KLF12: variants seen among roughly 807,000 people sequenced by gnomAD.
The protein encoded by KLF12 is KLF transcription factor 12.
A neutral mutation model predicts 37.8 loss-of-function variants in KLF12; 9 were observed. The ratio of observed to expected loss-of-function variants is 0.24; its 90% CI spans 0.14 to 0.42. KLF12 has a LOEUF of 0.42. Among genes scored for constraint, KLF12 ranks in the 10% least tolerant of loss-of-function variants. The pLI is 1.00. For missense variants in KLF12, 411 were observed against 516.0 expected (o/e 0.80, Z 1.97); for synonymous variants, 208 against 202.1 (o/e 1.03, Z -0.25).
In KLF12 at chr13:73,752,726, A is replaced by ATTTTT. The variant is rs139830073; in HGVS notation, c.869+12211_869+12212insAAAAA. 3.7e-5 allele frequency among the ~76,000 whole-genome samples: 4 copies of ATTTTT among 108,134 alleles called. 2 individuals are homozygous for ATTTTT. The highest frequency in any genetic ancestry group is 1.6e-4 in the Admixed American group (2 of 12,206). The allele number at this position is 108,134 out of a possible 152,430, so 70.9% of individuals were successfully genotyped here. On this transcript the variant is annotated intron_variant, in intron 6 of 7. Transcript: ENST00000377669. ...CTCATTCCCCTGCTCCCTTCCACAT[A>ATTTTT]TATATTTTTTTTTTTTTGACACAGA...
At chr13:73,843,811 G>T (rs982002441) in intron 4 of KLF12, among the ~76,000 whole-genome samples, 9 of 152,022 alleles carry the variant, frequency 5.9e-5, no homozygotes, top group African/African-American at 2.2e-4. Flanking sequence ...AATCTGCAGG[G>T]TTTATACTTA....
chr13:74,300,895 C>T, the KLF12 span, among the ~76,000 whole-genome samples: 4 of 152,146 alleles, frequency 2.6e-5, no homozygotes, highest in Admixed American at 6.6e-5. Context: ...AGGACTCTCA[C>T]AGTACTTATT....
chr13:73,890,060 A>T (rs1456068638), intron 3 of KLF12, among the ~76,000 whole-genome samples: 1 of 152,156 alleles, frequency 6.6e-6, no homozygotes, highest in Non-Finnish European at 1.5e-5. Context: ...ATGTGAAAAT[A>T]GAGAACACAC....
the KLF12 span, among the ~76,000 whole-genome samples, chr13:74,269,734 A>G: frequency 6.6e-6 from 1 of 152,146 alleles, no homozygotes; most frequent in African/African-American, 2.4e-5. Context: ...TTCAAGCAAG[A>G]TCCTTACTTT....
intron 1 of KLF12, among the ~76,000 whole-genome samples, chr13:74,100,852 C>T (rs1005236789): frequency 9.9e-5 from 15 of 152,022 alleles, no homozygotes; most frequent in Admixed American, 2.6e-4. Flanking sequence ...AATCAAAGTC[C>T]GACCTTCCCT....
chr13:74,106,909 A>G (rs1407475985), intron 1 of KLF12, among the ~76,000 whole-genome samples: 1 of 152,190 alleles, frequency 6.6e-6, no homozygotes, highest in Non-Finnish European at 1.5e-5. Flanking sequence ...AAAGGAAAAA[A>G]AAAAAATTAA....
At chr13:74,251,200 G>A in the KLF12 span, among the ~76,000 whole-genome samples, 1 of 151,974 alleles carries the variant, frequency 6.6e-6, no homozygotes, top group Non-Finnish European at 1.5e-5. Flanking sequence ...CACCCAGGCT[G>A]GAGTGCAGTG....
the KLF12 span, among the ~76,000 whole-genome samples, chr13:74,194,112 A>T: frequency 6.6e-6 from 1 of 152,178 alleles, no homozygotes; most frequent in Non-Finnish European, 1.5e-5. Flanking sequence ...AAGGGAGAAC[A>T]AGGAAAGAAA....
intron 1 of KLF12, among the ~76,000 whole-genome samples, chr13:73,995,373 T>A (rs1211391209): frequency 6.6e-6 from 1 of 151,702 alleles, no homozygotes; most frequent in Non-Finnish European, 1.5e-5. Flanking sequence ...GAGAGACAGC[T>A]GAGGAGAAAA....
At chr13:73,770,943 T>C (rs1594071577) in intron 5 of KLF12, among the ~76,000 whole-genome samples, 1 of 152,332 alleles carries the variant, frequency 6.6e-6, no homozygotes, top group African/African-American at 2.4e-5. Context: ...TAATTTCTGA[T>C]ATACACCAAC....
At chr13:73,929,745 GC>G (rs1317505112) in intron 3 of KLF12, among the ~76,000 whole-genome samples, 1 of 152,128 alleles carries the variant, frequency 6.6e-6, no homozygotes, top group Non-Finnish European at 1.5e-5. Flanking sequence ...CTGCCACAAC[GC>G]CGTTAAGTCC....
chr13:73,969,949 T>C (rs1189175364), intron 2 of KLF12, among the ~76,000 whole-genome samples: 1 of 152,234 alleles, frequency 6.6e-6, no homozygotes, highest in East Asian at 1.9e-4. Context: ...GACCTCCTTA[T>C]AATTTTAGAC....
chr13:74,169,246 T>C, the KLF12 span, among the ~76,000 whole-genome samples: 1 of 152,244 alleles, frequency 6.6e-6, no homozygotes, highest in African/African-American at 2.4e-5. Context: ...ATGTTATTTG[T>C]GGCTGCAAGA....
In KLF12 at chr13:74,128,689, C is replaced by T. The variant is rs538236322; in HGVS notation, c.-32+5050G>A. On this transcript the variant is annotated intron_variant, in intron 1 of 7. Transcript: ENST00000377669. ...AGGAAGGTTTTCTTTACATTGTTTT[C>T]GAATAATTTAACTTGGTTGCCATTT... is the stretch of plus-strand genomic sequence containing the variant. Among the ~76,000 whole-genome samples the T allele has an allele frequency of 2.6e-4, 39 of 152,250 alleles. 1 individual carries two copies. In the South Asian group the frequency reaches 2.7e-3, roughly 11 times the overall value.
chr13:74,205,799 A>G, the KLF12 span, among the ~76,000 whole-genome samples: 1 of 152,096 alleles, frequency 6.6e-6, no homozygotes, highest in African/African-American at 2.4e-5. Flanking sequence ...AATCTACAAC[A>G]AAGTTGAAGG....
chr13:74,287,106 G>A, the KLF12 span, among the ~76,000 whole-genome samples: 1 of 152,156 alleles, frequency 6.6e-6, no homozygotes, highest in Admixed American at 6.5e-5. Flanking sequence ...GACACCTGCT[G>A]GGCAGACCTC....
chr13:73,921,957 T>G (rs1889137057), intron 3 of KLF12, among the ~76,000 whole-genome samples: 1 of 152,170 alleles, frequency 6.6e-6, no homozygotes, highest in Non-Finnish European at 1.5e-5. Flanking sequence ...GGCTTTCTAT[T>G]ATGTGGTTGC....
upstream of KLF12, among the ~76,000 whole-genome samples, chr13:74,135,193 C>T (rs1205898915): frequency 6.6e-6 from 1 of 152,006 alleles, no homozygotes; most frequent in Non-Finnish European, 1.5e-5. Context: ...GGGGGCGAGG[C>T]GGAGATGCGC....
chr13:74,249,275 C>A, the KLF12 span, among the ~76,000 whole-genome samples: 25 of 150,548 alleles, frequency 1.7e-4, no homozygotes, highest in Non-Finnish European at 3.2e-4. Context: ...ATATTTGATA[C>A]TTTTAGTAAA....
Sources: gnomAD v4.1 joint callset for allele counts (sites outside exome capture counted in the v4.1 genomes callset) on GRCh38, gnomAD v4.1.1 for gene constraint, MANE v1.5 for transcripts, NCBI Gene and HGNC (gene_info 2026-07-23, HGNC 2026-07-21) for gene names.